CERKL: variants seen among roughly 807,000 people sequenced by gnomAD.
CERKL encodes CERK like autophagy regulator.
In CERKL, 61 loss-of-function variants were observed where a neutral mutation model predicts 63.4. That is an observed-to-expected ratio of 0.96 (90% CI 0.78 to 1.19). CERKL has a LOEUF of 1.19. Ranked by LOEUF, CERKL falls within the 50% of genes most tolerant of loss-of-function variation. The pLI is 0.00. For synonymous variants in CERKL, 250 were observed against 230.5 expected (o/e 1.08, Z -0.77); for missense variants, 675 against 655.5 (o/e 1.03, Z -0.33).
At chr2:181,655,126 T>C (rs1212373615) in intron 1 of CERKL, among the ~76,000 whole-genome samples, 9 of 152,208 alleles carry the variant, frequency 5.9e-5, no homozygotes, top group Admixed American at 5.9e-4. Flanking sequence ...TTTTAGGGCA[T>C]AATTAAACAA....
At chr2:181,611,980 A>G (rs564538017) in intron 1 of CERKL, among the ~76,000 whole-genome samples, 1 of 152,332 alleles carries the variant, frequency 6.6e-6, no homozygotes, top group South Asian at 2.1e-4. Flanking sequence ...TCTCTAAAAA[A>G]TAAGGGTAGC....
intron 1 of CERKL, among the ~76,000 whole-genome samples, chr2:181,605,671 G>GCCAT (rs1685646479): frequency 6.6e-6 from 1 of 152,056 alleles, no homozygotes; most frequent in Non-Finnish European, 1.5e-5. Flanking sequence ...AAAAAATTCA[G>GCCAT]CCATCCTGCA....
At chr2:181,600,933 T>G (rs542868533) in intron 2 of CERKL, among the ~76,000 whole-genome samples, 7 of 152,152 alleles carry the variant, frequency 4.6e-5, no homozygotes, top group African/African-American at 1.4e-4. Context: ...TGGAACATTC[T>G]CTAAAATTGA....
intron 1 of CERKL, among the ~76,000 whole-genome samples, chr2:181,656,421 C>T (rs1234736582): frequency 6.6e-6 from 1 of 152,124 alleles, no homozygotes; most frequent in Admixed American, 6.5e-5. Flanking sequence ...AGTTGACCTT[C>T]TCACATTTGT....
chr2:181,630,486 A>T (rs1302120630), intron 1 of CERKL, among the ~76,000 whole-genome samples: 1 of 152,206 alleles, frequency 6.6e-6, no homozygotes, highest in Non-Finnish European at 1.5e-5. Context: ...AGGGCCTTAA[A>T]TAGGGTAATT....
chr2:181,632,241 C>A (rs1321872232), intron 1 of CERKL, among the ~76,000 whole-genome samples: 1 of 152,022 alleles, frequency 6.6e-6, no homozygotes, highest in East Asian at 1.9e-4. Context: ...TCCTAAGACA[C>A]CATTAGATTT....
In CERKL at chr2:181,539,084, A is replaced by G. The variant is rs1356370514; in HGVS notation, c.1538+8T>C. The G allele has an allele frequency of 6.4e-7, 1 of 1,558,812 alleles. No homozygotes were observed. The highest frequency in any genetic ancestry group is 8.8e-7 in the Non-Finnish European group (1 of 1,130,066). ...GTTGACAATAAGCGGTGAAATAAAT[A>G]GACTTACCTAATATGGACCTCTGAT... On this transcript the variant is annotated splice_region_variant and intron_variant, in intron 12 of 12. Coordinates refer to ENST00000410087, the MANE Select transcript of CERKL (RefSeq NM_201548.5).
intron 1 of CERKL, among the ~76,000 whole-genome samples, chr2:181,608,757 T>C (rs145588555): frequency 6.6e-6 from 1 of 152,308 alleles, no homozygotes; most frequent in East Asian, 1.9e-4. Flanking sequence ...AAGACAGTAA[T>C]TGATGGATTT....
Position 181,604,089 on chromosome 2 carries a change from A to C in CERKL, c.239-10T>G, listed in dbSNP as rs770045733. 3 of 1,587,106 alleles carry C rather than the reference A, an allele frequency of 1.9e-6. No homozygotes were observed. In the Admixed American group the frequency reaches 5.0e-5, roughly 27 times the overall value. On this transcript the variant is annotated splice_polypyrimidine_tract_variant and intron_variant, in intron 1 of 12. Coordinates refer to ENST00000410087, the MANE Select transcript of CERKL (RefSeq NM_201548.5). ...TCATACTTAGAATCACCTGAAAAAA[A>C]AATAAATTTTCCAATTAAAACCATT...
At chr2:181,611,042 C>T (rs1002767420) in intron 1 of CERKL, among the ~76,000 whole-genome samples, 1 of 151,370 alleles carries the variant, frequency 6.6e-6, no homozygotes, top group Non-Finnish European at 1.5e-5. Context: ...GACCAACATG[C>T]TGAAATCCCA....
chr2:181,612,745 AC>A (rs1176487951), intron 1 of CERKL, among the ~76,000 whole-genome samples: 2 of 152,086 alleles, frequency 1.3e-5, no homozygotes, highest in Non-Finnish European at 2.9e-5. Context: ...TTTTTTAATT[AC>A]AACTTTATTT....
intron 11 of CERKL, among the ~76,000 whole-genome samples, chr2:181,540,073 T>C (rs1199529236): frequency 6.6e-6 from 1 of 151,970 alleles, no homozygotes; most frequent in East Asian, 1.9e-4. Flanking sequence ...GTTTTAAAAG[T>C]TGACAGAAAA....
chr2:181,551,592 C>A (rs1687990927), intron 5 of CERKL, among the ~76,000 whole-genome samples: 1 of 151,812 alleles, frequency 6.6e-6, no homozygotes, highest in East Asian at 1.9e-4. Context: ...CAGAGAAATG[C>A]AAATCAAAAC....
At chr2:181,614,250 G>T (rs546537578) in intron 1 of CERKL, among the ~76,000 whole-genome samples, 116 of 152,158 alleles carry the variant, frequency 7.6e-4, no homozygotes, top group Non-Finnish European at 1.2e-3. Flanking sequence ...AGGTTCTAGA[G>T]ATCATCTGAT....
At position 181,602,345 on chromosome 2, in the gene CERKL, A is replaced by G. The variant is rs1355190209; in HGVS notation, c.481+1492T>C. 2.0e-5 allele frequency among the ~76,000 whole-genome samples: 3 copies of G among 152,254 alleles called. No individual in the cohort carries two copies. In the East Asian group the frequency reaches 5.8e-4, roughly 29 times the overall value. On this transcript the variant is annotated intron_variant, in intron 2 of 12. Coordinates refer to ENST00000410087, the MANE Select transcript of CERKL (RefSeq NM_201548.5). ...ATGCAAGTTTTATGTATTCCTGGTC[A>G]TGTTAATCAATTTACTTCCACTGAA... is the stretch of plus-strand genomic sequence containing the variant.
At chr2:181,562,624 A>G (rs906567524) in intron 4 of CERKL, among the ~76,000 whole-genome samples, 11 of 152,224 alleles carry the variant, frequency 7.2e-5, no homozygotes, top group Non-Finnish European at 1.5e-4. Flanking sequence ...TGCATGTGAC[A>G]AATCTTGTTT....
At chr2:181,569,427 T>C (rs955200979) in intron 3 of CERKL, among the ~76,000 whole-genome samples, 1 of 152,102 alleles carries the variant, frequency 6.6e-6, no homozygotes, top group African/African-American at 2.4e-5. Flanking sequence ...AAGAGGCATT[T>C]CCAAGAAATG....
chr2:181,588,498 T>C (rs1336658147), intron 2 of CERKL, among the ~76,000 whole-genome samples: 3 of 152,180 alleles, frequency 2.0e-5, no homozygotes, highest in African/African-American at 4.8e-5. Context: ...CACTTGTCCA[T>C]TGATAGATAC....
At chr2:181,595,455 T>C (rs576236012) in intron 2 of CERKL, among the ~76,000 whole-genome samples, 4 of 152,190 alleles carry the variant, frequency 2.6e-5, no homozygotes, top group African/African-American at 4.8e-5. Context: ...ATGATATGGA[T>C]ACTTTCTAGC....
Sources: allele counts gnomAD v4.1 joint callset (sites outside exome capture counted in the v4.1 genomes callset), GRCh38; gene constraint gnomAD v4.1.1; transcripts MANE v1.5; gene names NCBI Gene and HGNC (gene_info 2026-07-23, HGNC 2026-07-21).